USO1: variants seen among roughly 807,000 people sequenced by gnomAD.
USO1 encodes USO1 vesicle transport factor, also known as general vesicular transport factor p115.
Under a neutral mutation model 124.5 loss-of-function variants are expected in USO1, and 57 were observed. The ratio of observed to expected loss-of-function variants is 0.46; its 90% CI spans 0.37 to 0.57. USO1 has a LOEUF of 0.57. USO1 is among the 20% of genes least tolerant of loss of function. The pLI, the probability that USO1 is intolerant of heterozygous loss-of-function variation, is 0.00. For synonymous variants in USO1, 369 were observed against 362.8 expected, an observed-to-expected ratio of 1.02 and a Z score of -0.19; for missense variants, 900 against 1,040.6, an observed-to-expected ratio of 0.86 and a Z score of 1.86.
intron 4 of USO1, among the ~76,000 whole-genome samples, 179 bp downstream of exon 4, chr4:75,757,752 C>T (rs1248090271): frequency 2.0e-5 from 3 of 151,996 alleles, no homozygotes; most frequent in Non-Finnish European, 4.4e-5. Context: ...AGGATGATTG[C>T]TTTGTGTGTA....
At chr4:75,750,147 AGT>A (rs1721263661) in intron 1 of USO1, among the ~76,000 whole-genome samples, 3 of 152,016 alleles carry the variant, frequency 2.0e-5, no homozygotes, top group Admixed American at 2.0e-4. Flanking sequence ...GAACAGCAGA[AGT>A]GGGGTTGGGT....
chr4:75,739,387 T>G (rs2149142792), intron 1 of USO1, among the ~76,000 whole-genome samples: 1 of 152,254 alleles, frequency 6.6e-6, no homozygotes, highest in South Asian at 2.1e-4. Context: ...GGTACAGCAG[T>G]GAAAAATTTG....
chr4:75,740,882 C>T (rs1240182019), intron 1 of USO1, among the ~76,000 whole-genome samples: 1 of 152,148 alleles, frequency 6.6e-6, no homozygotes, highest in African/African-American at 2.4e-5. Context: ...TCGAAGTAAT[C>T]TCTAGTAAAG....
Position 75,801,075 on chromosome 4 carries a change from A to G in USO1, c.1865-4A>G. On this transcript the variant is annotated splice_region_variant and splice_polypyrimidine_tract_variant and intron_variant, in intron 16 of 23. Coordinates refer to ENST00000514213, the MANE Select transcript of USO1 (RefSeq NM_003715.4). ...ACAAATTTTAAATAAGCTTCCTTTTATAGGTGTTATAACTAAGGCTATTTA... is the reference window on the plus strand; with the variant it reads ...ACAAATTTTAAATAAGCTTCCTTTTGTAGGTGTTATAACTAAGGCTATTTA... 2 of 1,533,634 alleles carry G rather than the reference A, an allele frequency of 1.3e-6. No homozygotes were observed. Among genetic ancestry groups the G allele is most frequent in the Non-Finnish European group, 1.7e-6 (2 of 1,145,110 alleles).
intron 4 of USO1, among the ~76,000 whole-genome samples, chr4:75,766,276 T>C (rs151156329): frequency 3.0e-4 from 46 of 152,308 alleles, no homozygotes; most frequent in Middle Eastern, 3.4e-3. Flanking sequence ...ATGATAACCT[T>C]ATAAGAATCC....
intron 12 of USO1, among the ~76,000 whole-genome samples, chr4:75,792,357 T>C (rs1427693794): frequency 6.6e-6 from 1 of 152,034 alleles, no homozygotes; most frequent in African/African-American, 2.4e-5. Context: ...GCGAACATGG[T>C]GAAAACCCAT....
At chr4:75,784,235 G>T (rs571267505) in intron 9 of USO1, among the ~76,000 whole-genome samples, 4 of 152,224 alleles carry the variant, frequency 2.6e-5, no homozygotes, top group East Asian at 1.9e-4. Flanking sequence ...TGCCAGGCTG[G>T]TCAGGAATTC....
intron 8 of USO1, among the ~76,000 whole-genome samples, chr4:75,775,080 G>T (rs1204711775): frequency 6.6e-6 from 1 of 152,086 alleles, no homozygotes; most frequent in Non-Finnish European, 1.5e-5. Flanking sequence ...AGATTATTAT[G>T]CATGTCCTTT....
intron 1 of USO1, among the ~76,000 whole-genome samples, chr4:75,736,837 T>C (rs1720806849): frequency 6.6e-6 from 1 of 152,334 alleles, no homozygotes; most frequent in Non-Finnish European, 1.5e-5. Context: ...TTTTCTACTG[T>C]CATTCCTTTC....
intron 8 of USO1, among the ~76,000 whole-genome samples, chr4:75,776,459 G>A: frequency 6.6e-6 from 1 of 152,098 alleles, no homozygotes; most frequent in Admixed American, 6.5e-5. Flanking sequence ...TGAAAAACTG[G>A]GAAAGCAGAG....
chr4:75,772,458 C>T (rs965999893), intron 7 of USO1, among the ~76,000 whole-genome samples: 9 of 151,930 alleles, frequency 5.9e-5, no homozygotes, highest in East Asian at 5.8e-4. Context: ...AGGCTGGTCT[C>T]GAACTCCTGA....
Position 75,761,318 on chromosome 4 carries a change from G to T in USO1, c.295+3745G>T, listed in dbSNP as rs1344853369. Among the ~76,000 whole-genome samples, 3 of 152,132 alleles carry T rather than the reference G, an allele frequency of 2.0e-5. No individual in the cohort carries two copies. In the East Asian group the frequency reaches 5.8e-4, roughly 29 times the overall value. On this transcript the variant is annotated intron_variant, in intron 4 of 23. Coordinates refer to ENST00000514213, the MANE Select transcript of USO1 (RefSeq NM_003715.4). ...TGCCAACTACTTGGGAGACTAAAGTGGGAAAACTGCTTGAGCCCAGGAGTT... is the reference window on the plus strand; with the variant it reads ...TGCCAACTACTTGGGAGACTAAAGTTGGAAAACTGCTTGAGCCCAGGAGTT...
intron 7 of USO1, 142 bp downstream of exon 7, chr4:75,771,279 AAC>A: frequency 1.0e-6 from 1 of 977,850 alleles, no homozygotes; most frequent in Non-Finnish European, 1.4e-6. Flanking sequence ...AAAATTAGTA[AAC>A]AGAGATGGGG....
At position 75,770,927 on chromosome 4, in the gene USO1, A is replaced by G; in HGVS notation, c.499+3A>G. 6.2e-7 allele frequency: 1 copy of G among 1,604,194 alleles called. No homozygotes were observed. Among genetic ancestry groups the G allele is most frequent in the Non-Finnish European group, 8.5e-7 (1 of 1,177,570 alleles). The stretch of plus-strand genomic sequence containing the variant: ...AATTATTTTAGTCAGTCCTATGGGT[A>G]AGTGACTTATCTTTTTTATATTATT... On this transcript the variant is annotated splice_donor_region_variant and intron_variant, in intron 6 of 23. Coordinates refer to ENST00000514213, the MANE Select transcript of USO1 (RefSeq NM_003715.4).
chr4:75,772,571 G>A (rs542093788), intron 7 of USO1, among the ~76,000 whole-genome samples: 2 of 152,120 alleles, frequency 1.3e-5, no homozygotes, highest in Admixed American at 1.3e-4. Context: ...ATATTTAAGT[G>A]TCATTTTTAA....
At chr4:75,793,369 T>G (rs1490772139) in intron 12 of USO1, among the ~76,000 whole-genome samples, 1 of 151,854 alleles carries the variant, frequency 6.6e-6, no homozygotes, top group African/African-American at 2.4e-5. Context: ...CACCACCAAC[T>G]CCTGGCCTCA....
In USO1 at chr4:75,782,606, T is replaced by C. The variant is rs924170370; in HGVS notation, c.677-74T>C. ...GAGATGCTGAGCATGGAGATTTATC[T>C]TTTTAAAAATGTTTGGGAGTTTTGC... On this transcript the variant is annotated intron_variant, in intron 8 of 23. Transcript: ENST00000514213. The C allele has an allele frequency of 3.2e-5, 47 of 1,478,544 alleles. 1 individual carries two copies. In the Middle Eastern group the frequency reaches 2.2e-3, roughly 68 times the overall value. The allele number at this position is 1,478,544 out of a possible 1,614,324, so 91.6% of individuals were successfully genotyped here.
chr4:75,802,483 C>G lies in USO1; in HGVS notation c.1986+1283C>G, dbSNP rs1722877719. ...GAAATGTTCATTTTAAATATTCTTACCATTTAAAATGCTATTTGGCATTAG... is the reference window on the plus strand; with the variant it reads ...GAAATGTTCATTTTAAATATTCTTAGCATTTAAAATGCTATTTGGCATTAG... On this transcript the variant is annotated intron_variant, in intron 17 of 23. Coordinates refer to ENST00000514213, the MANE Select transcript of USO1 (RefSeq NM_003715.4). 2.0e-5 allele frequency among the ~76,000 whole-genome samples: 3 copies of G among 152,208 alleles called. No homozygotes were observed. The South Asian group carries it at 6.2e-4, about 32-fold the overall frequency.
intron 1 of USO1, among the ~76,000 whole-genome samples, chr4:75,732,835 C>T (rs535405032): frequency 2.1e-4 from 28 of 132,164 alleles, no homozygotes; most frequent in African/African-American, 6.5e-4. Context: ...GCCAAGATCG[C>T]GCCACTGCAC....
Sources: allele counts gnomAD v4.1 joint callset (sites outside exome capture counted in the v4.1 genomes callset), GRCh38; gene constraint gnomAD v4.1.1; transcripts MANE v1.5; gene names NCBI Gene and HGNC (gene_info 2026-07-23, HGNC 2026-07-21).